Variants in RDH13 observed in about 807,000 individuals in gnomAD.
RDH13 encodes the protein retinol dehydrogenase 13 (all-trans and 9-cis).
RDH13 carries 35 observed loss-of-function variants against 28.3 expected under a neutral mutation model. That is an observed-to-expected ratio of 1.24 (90% CI 0.95 to 1.64). RDH13 has a LOEUF of 1.64. Ranked by LOEUF, RDH13 falls within the 40% of genes most tolerant of loss-of-function variation. The pLI is 0.00. For missense variants in RDH13, 514 were observed against 446.3 expected, an observed-to-expected ratio of 1.15 and a Z score of -1.37; for synonymous variants, 229 against 198.5, an observed-to-expected ratio of 1.15 and a Z score of -1.29.
chr19:55,053,499 A>AC (rs2147033173), intron 3 of RDH13, among the ~76,000 whole-genome samples: 1 of 151,608 alleles, frequency 6.6e-6, no homozygotes, highest in South Asian at 2.1e-4. Flanking sequence ...AGTAAAAAAT[A>AC]TAAAAAATTA....
chr19:55,047,365 C>A (rs979178887), intron 6 of RDH13, 22 bp downstream of exon 6: 20 of 1,607,292 alleles, frequency 1.2e-5, no homozygotes, highest in Non-Finnish European at 1.6e-5. Flanking sequence ...ACGTGGAGAC[C>A]CCAGGCTGGG....
chr19:55,045,031 C>G lies in RDH13; in HGVS notation c.*43G>C. ...TGCGGGCATGGCGGACAGCTGTCCT[C>G]GGTCTGGAGGCGCCATCCTGGCTTT... On this transcript the variant is annotated 3_prime_UTR_variant, in exon 7 of 7. Transcript: ENST00000415061. The G allele has an allele frequency of 7.0e-7, 1 of 1,429,566 alleles. No individual in the cohort carries two copies. The highest frequency in any genetic ancestry group is 9.6e-7 in the Non-Finnish European group (1 of 1,044,412). The allele number at this position is 1,429,566 out of a possible 1,614,324, so 88.6% of individuals were successfully genotyped here. A position where few individuals can be genotyped will look rare whatever the true frequency, so the allele number is the denominator to read the frequency against.
At chr19:55,061,188 C>T (rs1037702874) in intron 1 of RDH13, among the ~76,000 whole-genome samples, 5 of 152,092 alleles carry the variant, frequency 3.3e-5, no homozygotes, top group East Asian at 1.9e-4. Context: ...AGTGCAGTGG[C>T]TCAATCTCAG....
chr19:55,039,863 G>T (rs992475060), downstream of RDH13: 10 of 151,978 alleles, frequency 6.6e-5, no homozygotes, highest in African/African-American at 2.4e-4. Flanking sequence ...TATTATAAAA[G>T]AATAAATTCA....
chr19:55,066,057 C>T (rs58314744), upstream of RDH13, among the ~76,000 whole-genome samples: 15,126 of 152,196 alleles, frequency 0.099, 1,302 homozygotes, highest in African/African-American at 0.23. Flanking sequence ...TGAAGTCATT[C>T]ATAACAAGGA....
upstream of RDH13, among the ~76,000 whole-genome samples, chr19:55,064,708 G>C (rs1414965925): frequency 6.7e-6 from 1 of 149,362 alleles, no homozygotes; most frequent in African/African-American, 2.5e-5. Flanking sequence ...TGCCTCCTAG[G>C]TTCAAGCGAT....
Position 55,063,093 on chromosome 19 carries a change from C to T in RDH13, c.-61G>A, listed in dbSNP as rs2075862324. 1 of 1,268,848 alleles carries T rather than the reference C, an allele frequency of 7.9e-7. No homozygotes were observed. Among genetic ancestry groups the T allele is most frequent in the South Asian group, 2.2e-5 (1 of 45,400 alleles). The allele number at this position is 1,268,848 out of a possible 1,614,324, so 78.6% of individuals were successfully genotyped here. On this transcript the variant is annotated 5_prime_UTR_variant, in exon 1 of 7. Coordinates refer to ENST00000415061, the MANE Select transcript of RDH13 (RefSeq NM_001145971.2). ...GGCGCGGAGCTTGCTGCACACCAGCCGCCTGGGTAGCTCCGAGGAAGAGCG... is the reference window on the plus strand; with the variant it reads ...GGCGCGGAGCTTGCTGCACACCAGCTGCCTGGGTAGCTCCGAGGAAGAGCG...
Position 55,050,123 on chromosome 19 carries a change from T to G in RDH13, c.341-1360A>C, listed in dbSNP as rs540896217. On this transcript the variant is annotated intron_variant, in intron 3 of 6. Transcript: ENST00000415061. Reference sequence around the variant, plus strand: ...ACTGCCCCCAGCCTATTTTTTTTTTTTTGGGGGGGGGAGATGGAGTTTCAC... The same window carrying G: ...ACTGCCCCCAGCCTATTTTTTTTTTGTTGGGGGGGGGAGATGGAGTTTCAC... Among the ~76,000 whole-genome samples, 985 of 106,934 alleles carry G rather than the reference T, an allele frequency of 9.2e-3. 11 individuals are homozygous for G. The highest frequency in any genetic ancestry group is 0.028 in the African/African-American group (897 of 32,518). 70.2% of individuals were successfully genotyped at this position (106,934 alleles called of 152,430 possible).
chr19:55,047,386 C>G lies in RDH13; in HGVS notation c.760+1G>C. 6.2e-7 allele frequency: 1 copy of G among 1,611,196 alleles called. No individual in the cohort carries two copies. The highest frequency in any genetic ancestry group is 8.5e-7 in the Non-Finnish European group (1 of 1,179,766). On this transcript the variant is annotated splice_donor_variant, in intron 6 of 6. Coordinates refer to ENST00000415061, the MANE Select transcript of RDH13 (RefSeq NM_001145971.2). LOFTEE classifies it high-confidence loss of function. ...AGACCCCAGGCTGGGAGGGGACTCA[C>G]CGAGTGTGGTGCTGGAGAAGGTGGA... is the stretch of plus-strand genomic sequence containing the variant.
In RDH13 at chr19:55,044,492, C is replaced by T. The variant is rs2075133967; in HGVS notation, c.*582G>A. 6.6e-6 allele frequency: 1 copy of T among 152,384 alleles called. No individual in the cohort carries two copies. The highest frequency in any genetic ancestry group is 2.4e-5 in the African/African-American group (1 of 41,442). 9.4% of individuals were successfully genotyped at this position (152,384 alleles called of 1,614,324 possible). On this transcript the variant is annotated 3_prime_UTR_variant, in exon 7 of 7. Transcript: ENST00000415061. ...GCCTGAACTCAGGATGACACCTGCA[C>T]CTGCTCTCTGGCTGGGCTCTGGCAC...
chr19:55,066,720 T>C (rs1398358875), upstream of RDH13, among the ~76,000 whole-genome samples: 1 of 151,312 alleles, frequency 6.6e-6, no homozygotes, highest in African/African-American at 2.4e-5. Context: ...TCTCTTCTTG[T>C]GTGTGTCTCT....
chr19:55,064,321 C>T (rs4806468), upstream of RDH13: 17,676 of 151,226 alleles, frequency 0.12, 1,171 homozygotes, highest in South Asian at 0.25. Context: ...CTCAGGAGGC[C>T]GAAGCAGGAG....
chr19:55,065,782 A>G (rs1156549455), upstream of RDH13, among the ~76,000 whole-genome samples: 1 of 152,076 alleles, frequency 6.6e-6, no homozygotes, highest in Non-Finnish European at 1.5e-5. Context: ...CAGTGATGCA[A>G]TCTCAGCTCA....
chr19:55,045,008 CG>C lies in RDH13; in HGVS notation c.*65del. 1 of 1,215,448 alleles carries C rather than the reference CG, an allele frequency of 8.2e-7. No individual in the cohort carries two copies. The highest frequency in any genetic ancestry group is 1.5e-5 in the African/African-American group (1 of 66,012). 75.3% of individuals were successfully genotyped at this position (1,215,448 alleles called of 1,614,324 possible). On this transcript the variant is annotated 3_prime_UTR_variant, in exon 7 of 7. Transcript: ENST00000415061. ...CGGCTCAGGTAGTGCCAGGAAGCTG[CG>C]GGCATGGCGGACAGCTGTCCTCGGT... is the stretch of plus-strand genomic sequence containing the variant.
downstream of RDH13, chr19:55,042,996 A>T (rs1443245430): frequency 4.6e-5 from 7 of 152,236 alleles, no homozygotes; most frequent in Non-Finnish European, 8.8e-5. Context: ...GCCAGTCGCT[A>T]CATCTCCCCC....
rs1369179624 is a variant in RDH13, at chr19:55,059,324, C to T, written c.66-49G>A. The T allele has an allele frequency of 2.4e-6, 3 of 1,263,732 alleles. No individual in the cohort carries two copies. The African/African-American group carries it at 4.4e-5, about 19-fold the overall frequency. The allele number at this position is 1,263,732 out of a possible 1,614,324, so 78.3% of individuals were successfully genotyped here. ...CAGTCCTGTGGGCCCACTCTCACCC[C>T]ACGTGCCCCTGACTGAATGATCTCA... On this transcript the variant is annotated intron_variant, in intron 1 of 6. Coordinates refer to ENST00000415061, the MANE Select transcript of RDH13 (RefSeq NM_001145971.2).
upstream of RDH13, among the ~76,000 whole-genome samples, chr19:55,066,719 G>A (rs915618068): frequency 4.8e-5 from 7 of 144,458 alleles, no homozygotes; most frequent in Admixed American, 4.9e-4. Context: ...CTCTCTTCTT[G>A]TGTGTGTCTC....
At chr19:55,047,670 A>T (rs998048165) in intron 5 of RDH13, among the ~76,000 whole-genome samples, 182 bp from the exon 6 acceptor site, 1 of 152,150 alleles carries the variant, frequency 6.6e-6, no homozygotes, top group African/African-American at 2.4e-5. Flanking sequence ...GCTCTGCCAC[A>T]TGGCTGCTGG....
rs184230723 is a variant in RDH13 at position 55,057,021 on chromosome 19, C to T, written c.185-213G>A. On this transcript the variant is annotated intron_variant, in intron 2 of 6. Coordinates refer to ENST00000415061, the MANE Select transcript of RDH13 (RefSeq NM_001145971.2). Reference sequence around the variant, plus strand: ...CCATCCATAGAGATGGAATATTAGACGGCCGTGAAAAGGAGTGAAGCACTG... The same window carrying T: ...CCATCCATAGAGATGGAATATTAGATGGCCGTGAAAAGGAGTGAAGCACTG... 3.8e-3 allele frequency among the ~76,000 whole-genome samples: 572 copies of T among 152,236 alleles called. 6 individuals are homozygous for T. The highest frequency in any genetic ancestry group is 3.8e-3 in the Non-Finnish European group (261 of 68,028).
Sources: allele counts gnomAD v4.1 joint callset (sites outside exome capture counted in the v4.1 genomes callset), GRCh38; gene constraint gnomAD v4.1.1; transcripts MANE v1.5; gene names NCBI Gene and HGNC (gene_info 2026-07-23, HGNC 2026-07-21).